WFDC10B: variants seen among roughly 807,000 people sequenced by gnomAD.
WFDC10B encodes the protein WAP four-disulfide core domain 10B.
Under a neutral mutation model 2.7 loss-of-function variants are expected in WFDC10B, and 1 was observed. That is an observed-to-expected ratio of 0.38 (90% CI 0.13 to 1.79). The LOEUF is 1.79. WFDC10B is among the 40% of genes most tolerant of loss of function. WFDC10B has a pLI of 0.33. For missense variants in WFDC10B, 71 were observed against 87.8 expected (o/e 0.81, Z 0.76); for synonymous variants, 26 against 32.2 (o/e 0.81, Z 0.65).
At chr20:45,689,848 A>C (rs908443434) in intron 2 of WFDC10B, among the ~76,000 whole-genome samples, 1 of 152,108 alleles carries the variant, frequency 6.6e-6, no homozygotes, top group African/African-American at 2.4e-5. Flanking sequence ...TCTCCTGCCT[A>C]ATTGCCCAGG....
At chr20:45,699,774 G>A (rs1029266925) in intron 2 of WFDC10B, among the ~76,000 whole-genome samples, 1 of 152,236 alleles carries the variant, frequency 6.6e-6, no homozygotes, top group Admixed American at 6.5e-5. Context: ...TGCCTCCCGG[G>A]TTCAAGCGAT....
intron 2 of WFDC10B, chr20:45,702,236 G>A (rs1294379739): frequency 1.2e-6 from 2 of 1,601,322 alleles, no homozygotes; most frequent in Non-Finnish European, 1.7e-6. Context: ...TGGGCCCAAG[G>A]AGGGAAGTAA....
At chr20:45,689,201 T>A (rs1983727621) in intron 2 of WFDC10B, among the ~76,000 whole-genome samples, 2 of 151,170 alleles carry the variant, frequency 1.3e-5, no homozygotes, top group Non-Finnish European at 2.9e-5. Flanking sequence ...TTGATCTATA[T>A]CTCTGTTTTG....
chr20:45,700,046 G>A (rs1457196737), intron 2 of WFDC10B, among the ~76,000 whole-genome samples: 1 of 152,114 alleles, frequency 6.6e-6, no homozygotes, highest in Non-Finnish European at 1.5e-5. Flanking sequence ...CAACAATACA[G>A]AAAATTATGC....
intron 2 of WFDC10B, among the ~76,000 whole-genome samples, chr20:45,698,579 A>G (rs1320491368): frequency 4.0e-5 from 6 of 151,820 alleles, no homozygotes; most frequent in East Asian, 1.9e-4. Context: ...TCAAGAAGAA[A>G]AAAAAAAAAA....
At chr20:45,701,624 T>C (rs1476781385) in intron 2 of WFDC10B, among the ~76,000 whole-genome samples, 3 of 151,876 alleles carry the variant, frequency 2.0e-5, no homozygotes, top group Admixed American at 6.6e-5. Flanking sequence ...TAGCTGGACA[T>C]GGTGGTACAC....
At chr20:45,697,991 G>A (rs558838293) in intron 2 of WFDC10B, among the ~76,000 whole-genome samples, 70 of 152,068 alleles carry the variant, frequency 4.6e-4, no homozygotes, top group Non-Finnish European at 7.4e-4. Context: ...TGATCCACCC[G>A]CCTCGGCCTC....
At chr20:45,704,330 C>G (rs1441431554) in intron 2 of WFDC10B, 167 bp downstream of exon 2, 2 of 1,403,824 alleles carry the variant, frequency 1.4e-6, no homozygotes, top group Admixed American at 4.7e-5. Flanking sequence ...ACCCTGGAAC[C>G]ATGCAAGGCA....
At chr20:45,702,124 A>AT (rs1402354548) in intron 2 of WFDC10B, 1 of 1,612,822 alleles carries the variant, frequency 6.2e-7, no homozygotes, top group East Asian at 2.2e-5. Flanking sequence ...CACTGACACC[A>AT]TGAAGCCTGT....
At chr20:45,702,433 A>C (rs939990889) in intron 2 of WFDC10B, among the ~76,000 whole-genome samples, 1 of 152,228 alleles carries the variant, frequency 6.6e-6, no homozygotes, top group Non-Finnish European at 1.5e-5. Flanking sequence ...TGAATACAGG[A>C]GGAGAACAGA....
chr20:45,699,309 C>CA (rs1372656000), intron 2 of WFDC10B, among the ~76,000 whole-genome samples: 1 of 152,034 alleles, frequency 6.6e-6, no homozygotes, highest in South Asian at 2.1e-4. Flanking sequence ...AATATATACT[C>CA]AAAAAAATAT....
At chr20:45,702,210 G>A (rs1403416892) in intron 2 of WFDC10B, 2 of 1,611,428 alleles carry the variant, frequency 1.2e-6, no homozygotes, top group Non-Finnish European at 8.5e-7. Flanking sequence ...AGCGTGTTCT[G>A]AGTAGGTGCT....
At chr20:45,700,074 C>A (rs1442840762) in intron 2 of WFDC10B, among the ~76,000 whole-genome samples, 1 of 152,178 alleles carries the variant, frequency 6.6e-6, no homozygotes, top group Non-Finnish European at 1.5e-5. Flanking sequence ...TTCATTGCAG[C>A]ATTATTTATA....
chr20:45,686,034 C>G lies in WFDC10B; in HGVS notation c.-42G>C, dbSNP rs1352698073. ...TGAGCCCTAAGTCTGGCCAGGCAGT[C>G]ACAGACTTCCCTGCAGAGCTGCCTG... On this transcript the variant is annotated 5_prime_UTR_variant, in exon 3 of 4. Transcript: ENST00000330523. The G allele has an allele frequency of 6.2e-7, 1 of 1,605,198 alleles. No individual in the cohort carries two copies. Among genetic ancestry groups the G allele is most frequent in the Non-Finnish European group, 8.5e-7 (1 of 1,175,632 alleles).
In WFDC10B at chr20:45,701,995, A is replaced by G. The variant is rs1984181332; in HGVS notation, c.-65+2502T>C. On this transcript the variant is annotated intron_variant, in intron 2 of 3. Transcript: ENST00000330523. ...TTCCTGCCCTGCCGGTTTTGATTGG[A>G]GTACACGGTGAAAGGCTAGTCACAC... is the stretch of plus-strand genomic sequence containing the variant. 3.8e-6 allele frequency: 3 copies of G among 786,576 alleles called. No individual in the cohort carries two copies. In the African/African-American group the frequency reaches 5.2e-5, roughly 14 times the overall value. The allele number at this position is 786,576 out of a possible 1,614,324, so 48.7% of individuals were successfully genotyped here.
intron 2 of WFDC10B, among the ~76,000 whole-genome samples, chr20:45,686,547 G>T (rs1206480571): frequency 1.3e-5 from 2 of 151,820 alleles, no homozygotes; most frequent in African/African-American, 4.8e-5. Context: ...TTTGGGGGGG[G>T]GCGGTGAACG....
At chr20:45,702,305 A>G in intron 2 of WFDC10B, 1 of 1,289,628 alleles carries the variant, frequency 7.8e-7, no homozygotes, top group South Asian at 1.3e-5. Flanking sequence ...TTGGAAAAAT[A>G]CCGTGTCATG....
chr20:45,685,055 C>T (rs1378062911), intron 3 of WFDC10B, 95 bp from the exon 4 acceptor site: 4 of 1,521,558 alleles, frequency 2.6e-6, no homozygotes, highest in African/African-American at 1.4e-5. Flanking sequence ...AACCAAGGCA[C>T]CCCTGCCACC....
In WFDC10B at chr20:45,689,724, A is replaced by G. The variant is rs1329040026; in HGVS notation, c.-64-3668T>C. On this transcript the variant is annotated intron_variant, in intron 2 of 3. Coordinates refer to ENST00000330523, the MANE Select transcript of WFDC10B (RefSeq NM_172006.2). ...GAGACTTTGCTGAAGTTGCTTATCA[A>G]CTTAAGGAGATTTTGGGCTGAGACA... is the stretch of plus-strand genomic sequence containing the variant. Among the ~76,000 whole-genome samples, 475 of 151,784 alleles carry G rather than the reference A, an allele frequency of 3.1e-3. 3 individuals are homozygous for G. The highest frequency in any genetic ancestry group is 0.011 in the African/African-American group (438 of 41,330).
Sources: gnomAD v4.1 joint callset for allele counts (sites outside exome capture counted in the v4.1 genomes callset) on GRCh38, gnomAD v4.1.1 for gene constraint, MANE v1.5 for transcripts, NCBI Gene and HGNC (gene_info 2026-07-23, HGNC 2026-07-21) for gene names.